Variants in MX2 observed in about 807,000 individuals in gnomAD.
MX2 encodes interferon-induced GTP-binding protein Mx2.
In MX2, 51 loss-of-function variants were observed where a neutral mutation model predicts 74.0. The ratio of observed to expected loss-of-function variants is 0.69; its 90% confidence interval spans 0.55 to 0.87. The LOEUF (loss-of-function observed/expected upper bound fraction) is 0.87, where lower values mean the gene tolerates loss of function less well. MX2 is among the 40% of genes least tolerant of loss of function. MX2 has a pLI of 0.00. For missense variants in MX2, 832 were observed against 908.7 expected (o/e 0.92, Z 1.09); for synonymous variants, 369 against 339.3 (o/e 1.09, Z -0.96).
chr21:41,390,462 G>A, intron 5 of MX2, 103 bp from the exon 6 acceptor site: 2 of 1,506,710 alleles, frequency 1.3e-6, no homozygotes, highest in Non-Finnish European at 1.8e-6. Context: ...CACACTGTGG[G>A]ACAATGTTGC....
intron 10 of MX2, among the ~76,000 whole-genome samples, chr21:41,400,272 G>A (rs1033985634): frequency 3.3e-5 from 5 of 152,202 alleles, no homozygotes; most frequent in African/African-American, 1.2e-4. Context: ...TCTGGGGTGT[G>A]ATGATCTGGT....
In MX2 at chr21:41,388,522, A is replaced by G. The variant is rs982407708; in HGVS notation, c.733-2043A>G. The stretch of plus-strand genomic sequence containing the variant: ...CTGTTCCCCGTGCCTGGCTCTTTCA[A>G]TTCCACTTGCCCTCCCTGATATGTC... On this transcript the variant is annotated intron_variant, in intron 5 of 13. Transcript: ENST00000330714. This position sits in a 1 kb window ranked among gnomAD's most constrained non-coding sequence, Gnocchi z 4.0. Among the ~76,000 whole-genome samples the G allele has an allele frequency of 6.6e-6, 1 of 151,974 alleles. No individual in the cohort carries two copies. The highest frequency in any genetic ancestry group is 2.4e-5 in the African/African-American group (1 of 41,388).
intron 7 of MX2, among the ~76,000 whole-genome samples, chr21:41,396,505 G>C (rs564205790): frequency 1.3e-5 from 2 of 152,088 alleles, no homozygotes; most frequent in Admixed American, 1.3e-4. Context: ...GGGCCGAGTA[G>C]GTCTACGGCT....
chr21:41,390,878 T>G (rs1019704442), intron 6 of MX2, among the ~76,000 whole-genome samples, 175 bp downstream of exon 6: 2 of 152,040 alleles, frequency 1.3e-5, no homozygotes, highest in Non-Finnish European at 2.9e-5. Context: ...TGGTGGCTGG[T>G]GCCTGTAGTC....
At chr21:41,381,112 TAG>T (rs1386276611) in intron 4 of MX2, among the ~76,000 whole-genome samples, 2 of 152,178 alleles carry the variant, frequency 1.3e-5, no homozygotes, top group Admixed American at 1.3e-4. Flanking sequence ...CCTTCCCAAA[TAG>T]AGAGGTCTTC....
intron 7 of MX2, among the ~76,000 whole-genome samples, chr21:41,396,417 G>T (rs1273497640): frequency 1.3e-5 from 2 of 152,136 alleles, no homozygotes; most frequent in African/African-American, 4.8e-5. Flanking sequence ...CTTCATTCTG[G>T]AACTTGTTGT....
intron 6 of MX2, among the ~76,000 whole-genome samples, chr21:41,394,442 C>G (rs1325921864): frequency 6.6e-6 from 1 of 152,174 alleles, no homozygotes; most frequent in South Asian, 2.1e-4. Context: ...ACCTCCCTGT[C>G]CACCCAACTT....
At chr21:41,399,518 C>G in intron 10 of MX2, 181 bp downstream of exon 10, 1 of 597,052 alleles carries the variant, frequency 1.7e-6, no homozygotes, top group Non-Finnish European at 2.9e-6. Context: ...TCGACCTCAG[C>G]AACTCAACAC....
intron 12 of MX2, 120 bp downstream of exon 12, chr21:41,403,463 AGGCTGGCAG>A: frequency 2.1e-6 from 2 of 942,514 alleles, no homozygotes; most frequent in Non-Finnish European, 3.5e-6. Flanking sequence ...CAGGCTGGCG[AGGCTGGCAG>A]GGCTGGCGGG....
intron 5 of MX2, among the ~76,000 whole-genome samples, chr21:41,386,393 G>A (rs1385358161): frequency 6.6e-6 from 1 of 152,180 alleles, no homozygotes; most frequent in Non-Finnish European, 1.5e-5. Context: ...AACTGCATGA[G>A]AGAACAGGGT....
intron 1 of MX2, chr21:41,364,656 T>C (rs1009846025): frequency 6.6e-6 from 1 of 152,074 alleles, no homozygotes; most frequent in Non-Finnish European, 1.5e-5. Flanking sequence ...AATATATACA[T>C]ATATATGGAA....
chr21:41,390,822 G>T, intron 6 of MX2, 119 bp downstream of exon 6: 1 of 1,136,920 alleles, frequency 8.8e-7, no homozygotes, highest in Non-Finnish European at 1.2e-6. Context: ...TGGCTAATCC[G>T]GTGAAACCTC....
Position 41,380,370 on chromosome 21 carries a change from G to A in MX2, c.577+219G>A, listed in dbSNP as rs895459989. 1.3e-5 allele frequency among the ~76,000 whole-genome samples: 2 copies of A among 152,086 alleles called. No homozygotes were observed. The highest frequency in any genetic ancestry group is 2.9e-5 in the Non-Finnish European group (2 of 68,010). On this transcript the variant is annotated intron_variant, in intron 4 of 13. Transcript: ENST00000330714. This position sits in a 1 kb window ranked among gnomAD's most constrained non-coding sequence, Gnocchi z 4.3. ...GTCATCCCATGCCGAGGACCCTCTG[G>A]TGGCTTCCCTTAGCAGCCTGCAGCC...
chr21:41,406,129 C>CA (rs2089882995), intron 12 of MX2, among the ~76,000 whole-genome samples: 1 of 152,190 alleles, frequency 6.6e-6, no homozygotes, highest in African/African-American at 2.4e-5. Flanking sequence ...GCTGGGATTG[C>CA]AGGCGTGTGC....
At chr21:41,386,038 C>T (rs1218548635) in intron 5 of MX2, among the ~76,000 whole-genome samples, 3 of 151,784 alleles carry the variant, frequency 2.0e-5, no homozygotes, top group African/African-American at 4.8e-5. Context: ...CAGTGGCTCA[C>T]ACCTGTAATC....
intron 1 of MX2, chr21:41,367,271 T>C (rs2089273838): frequency 6.6e-6 from 1 of 152,226 alleles, no homozygotes; most frequent in Non-Finnish European, 1.5e-5. Context: ...ATAATTTCTT[T>C]ATATTAAGGA....
At chr21:41,382,359 A>C in intron 4 of MX2, 51 bp from the exon 5 acceptor site, 3 of 1,583,720 alleles carry the variant, frequency 1.9e-6, no homozygotes, top group Non-Finnish European at 2.6e-6. Context: ...CTGCTTCCTC[A>C]CAGGGATCAT....
chr21:41,362,099 G>A (rs1381236512), intron 1 of MX2, 44 bp downstream of exon 1: 1 of 152,250 alleles, frequency 6.6e-6, no homozygotes, highest in African/African-American at 2.4e-5. Flanking sequence ...TGTGTCTGAT[G>A]CACAGCAGAT....
intron 3 of MX2, among the ~76,000 whole-genome samples, chr21:41,379,405 C>T (rs977304301): frequency 1.3e-5 from 2 of 152,176 alleles, no homozygotes; most frequent in African/African-American, 2.4e-5. Flanking sequence ...TTCCTGGGTT[C>T]AGTAGCATCG....
Sources: gnomAD v4.1 joint callset for allele counts (sites outside exome capture counted in the v4.1 genomes callset) on GRCh38, gnomAD v4.1.1 for gene constraint, Gnocchi (gnomAD v3.1) non-coding constraint, MANE v1.5 for transcripts, NCBI Gene and HGNC (gene_info 2026-07-23, HGNC 2026-07-21) for gene names.